The following ADCY8 variants were observed in gnomAD, a reference collection of about 807,000 sequenced individuals.
The protein encoded by ADCY8 is adenylate cyclase type 8.
In ADCY8, 51 loss-of-function variants were observed where a neutral mutation model predicts 119.7. The observed-to-expected ratio is 0.43, with a 90% confidence interval of 0.34 to 0.54. The LOEUF is 0.54. Ranked by LOEUF, ADCY8 falls within the 20% of genes least tolerant of loss-of-function variation. The pLI is 0.03. For missense variants in ADCY8, 1,383 were observed against 1,598.8 expected, an observed-to-expected ratio of 0.87 and a Z score of 2.30; for synonymous variants, 665 against 651.0, an observed-to-expected ratio of 1.02 and a Z score of -0.33.
chr8:130,914,121 T>G (rs80248571), intron 5 of ADCY8, among the ~76,000 whole-genome samples: 3,302 of 152,310 alleles, frequency 0.022, 77 homozygotes, highest in South Asian at 0.08. Flanking sequence ...TAAGTAGGAT[T>G]CCAGGACTAA....
At chr8:130,946,425 G>A (rs995934023) in intron 3 of ADCY8, among the ~76,000 whole-genome samples, 97 of 152,144 alleles carry the variant, frequency 6.4e-4, no homozygotes, top group Non-Finnish European at 1.2e-3. Flanking sequence ...CCCTGGTATA[G>A]ATTTTTCCCC....
chr8:130,952,365 A>G (rs1294196276), intron 2 of ADCY8, among the ~76,000 whole-genome samples: 2 of 152,264 alleles, frequency 1.3e-5, no homozygotes, highest in African/African-American at 2.4e-5. Flanking sequence ...ACAGCGATGC[A>G]TATCAGGGAT....
At position 130,847,558 on chromosome 8, in the gene ADCY8, A is replaced by G. The variant is rs1257214221; in HGVS notation, c.2413-45T>C. ...AAAAAAGAACAACAAAAACAAAAAC[A>G]GGAACAACAAAGTCAGTGTGAGTGC... On this transcript the variant is annotated intron_variant, in intron 10 of 17. Coordinates refer to ENST00000286355, the MANE Select transcript of ADCY8 (RefSeq NM_001115.3). The G allele has an allele frequency of 2.0e-6, 3 of 1,503,148 alleles. No individual in the cohort carries two copies. The African/African-American group carries it at 4.2e-5, about 21-fold the overall frequency. 93.1% of individuals were successfully genotyped at this position (1,503,148 alleles called of 1,614,324 possible). A position where few individuals can be genotyped will look rare whatever the true frequency, so the allele number is the denominator to read the frequency against.
intron 7 of ADCY8, among the ~76,000 whole-genome samples, chr8:130,890,720 A>G (rs1199119499): frequency 3.3e-5 from 5 of 152,196 alleles, no homozygotes; most frequent in African/African-American, 4.8e-5. Context: ...AGAGCACCAG[A>G]GACCACAGGC....
intron 12 of ADCY8, among the ~76,000 whole-genome samples, chr8:130,827,959 G>T (rs887223539): frequency 4.6e-5 from 7 of 152,174 alleles, no homozygotes; most frequent in Non-Finnish European, 1.0e-4. Context: ...GGAGAATCCT[G>T]GTTACTGGGC....
intron 6 of ADCY8, among the ~76,000 whole-genome samples, chr8:130,909,021 C>A (rs1819886482): frequency 1.1e-5 from 1 of 93,514 alleles, no homozygotes; most frequent in African/African-American, 2.9e-5. Flanking sequence ...TTCTCTATCT[C>A]CATCCATCCA....
chr8:131,007,927 C>T (rs1035320741), intron 1 of ADCY8, among the ~76,000 whole-genome samples: 1 of 152,132 alleles, frequency 6.6e-6, no homozygotes, highest in East Asian at 1.9e-4. Context: ...ACATGAACAG[C>T]TGATTTTATT....
intron 5 of ADCY8, among the ~76,000 whole-genome samples, chr8:130,910,591 C>T (rs1177884452): frequency 6.6e-6 from 1 of 152,240 alleles, no homozygotes; most frequent in East Asian, 1.9e-4. Flanking sequence ...AGAGTGTTTA[C>T]ATCCCAGGGC....
chr8:131,021,202 C>T (rs537458531), intron 1 of ADCY8, among the ~76,000 whole-genome samples: 1 of 152,216 alleles, frequency 6.6e-6, no homozygotes, highest in African/African-American at 2.4e-5. Context: ...TTTTCTATCA[C>T]TTAAAAAAAA....
rs528800741 is a variant in ADCY8, at chr8:130,955,147, TG to T, written c.1111-3150del. On this transcript the variant is annotated intron_variant, in intron 2 of 17. Transcript: ENST00000286355. ...TTATAGGTAGAGACTGACAGGCTCC[TG>T]GAATGGCATGGAAAGATACGCATTC... Among the ~76,000 whole-genome samples the T allele has an allele frequency of 1.8e-3, 281 of 152,302 alleles. 1 individual carries two copies. Among genetic ancestry groups the T allele is most frequent in the African/African-American group, 5.9e-3 (244 of 41,576 alleles).
At chr8:130,901,274 G>C (rs1819593344) in intron 7 of ADCY8, among the ~76,000 whole-genome samples, 1 of 118,514 alleles carries the variant, frequency 8.4e-6, no homozygotes, top group Admixed American at 1.0e-4. Context: ...ACTAGCAGTA[G>C]TTGGCTTGTA....
chr8:130,859,552 C>T (rs1234030796), intron 9 of ADCY8, among the ~76,000 whole-genome samples: 1 of 152,200 alleles, frequency 6.6e-6, no homozygotes, highest in Non-Finnish European at 1.5e-5. Context: ...TTTTACTCCC[C>T]ACATCCCCTT....
chr8:130,991,173 T>G (rs1483312607), intron 1 of ADCY8, among the ~76,000 whole-genome samples: 1 of 152,232 alleles, frequency 6.6e-6, no homozygotes. Context: ...TTCTAACTAC[T>G]GTTCAGTCAA....
At chr8:130,842,370 T>G (rs992045969) in intron 11 of ADCY8, among the ~76,000 whole-genome samples, 4 of 152,206 alleles carry the variant, frequency 2.6e-5, no homozygotes, top group Non-Finnish European at 5.9e-5. Context: ...AATCTCCTCA[T>G]CTTTCTCTTA....
chr8:131,019,213 A>G (rs78138922), intron 1 of ADCY8, among the ~76,000 whole-genome samples: 2,107 of 152,352 alleles, frequency 0.014, 32 homozygotes, highest in African/African-American at 0.029. Context: ...TCAGGTCAAC[A>G]ACAAATGTTT....
intron 1 of ADCY8, among the ~76,000 whole-genome samples, chr8:131,032,635 T>G (rs779096553): frequency 9.2e-5 from 14 of 152,150 alleles, no homozygotes; most frequent in Non-Finnish European, 1.8e-4. Flanking sequence ...AATTAATCTA[T>G]TCTGCATTCT....
chr8:130,900,928 G>A (rs1166341415), intron 7 of ADCY8, among the ~76,000 whole-genome samples: 2 of 152,140 alleles, frequency 1.3e-5, no homozygotes. Flanking sequence ...ATGTCCCAAA[G>A]AGAATTCCTA....
At chr8:130,960,858 T>C (rs1471157550) in intron 2 of ADCY8, among the ~76,000 whole-genome samples, 1 of 152,174 alleles carries the variant, frequency 6.6e-6, no homozygotes, top group Non-Finnish European at 1.5e-5. Context: ...TCTTGGAGGA[T>C]ATGAATCTGT....
At position 131,039,405 on chromosome 8, in the gene ADCY8, A is replaced by C. The variant is rs1824276803; in HGVS notation, c.929T>G (p.Ile310Arg). ...SLLQVILQVVIPRLAVISINQ... is the reference protein window; with the variant it reads ...SLLQVILQVVRPRLAVISINQ... ...GATGGAAATGACCGCCAGCCGGGGT[A>C]TGACCACTTGGAGGATGACCTGCAG... The change falls in exon 1 of 18, where the codon ATA becomes AGA. Residue 310 changes from isoleucine (I) to arginine (R), a missense_variant. Ile to Arg is a moderately conservative substitution (Grantham distance 97). Transcript: ENST00000286355. 6.2e-7 allele frequency: 1 copy of C among 1,613,930 alleles called. No individual in the cohort carries two copies. Among genetic ancestry groups the C allele is most frequent in the African/African-American group, 1.3e-5 (1 of 74,960 alleles).
Sources: allele counts gnomAD v4.1 joint callset (sites outside exome capture counted in the v4.1 genomes callset), GRCh38; gene constraint gnomAD v4.1.1; transcripts MANE v1.5; gene names NCBI Gene and HGNC (gene_info 2026-07-23, HGNC 2026-07-21).